MILR1: variants seen among roughly 807,000 people sequenced by gnomAD.
The protein encoded by MILR1 is allergin-1.
Under a neutral mutation model 18.5 loss-of-function variants are expected in MILR1, and 31 were observed. The ratio of observed to expected loss-of-function variants is 1.68; its 90% CI spans 1.26 to 2.26. The LOEUF is 2.26. MILR1 is among the 30% of genes most tolerant of loss of function. MILR1 has a pLI of 0.00. For synonymous variants in MILR1, 85 were observed against 56.2 expected (o/e 1.51, Z -2.30); for missense variants, 257 against 157.4 (o/e 1.63, Z -3.38).
At chr17:64,468,042 A>G in intron 9 of MILR1, 1 of 346,960 alleles carries the variant, frequency 2.9e-6, no homozygotes. Flanking sequence ...ATGTGCTGCC[A>G]GGGAGAGAGC....
the MILR1 span, chr17:64,481,128 C>T: frequency 3.4e-6 from 1 of 297,346 alleles, no homozygotes; most frequent in Non-Finnish European, 5.0e-6. Context: ...GAGAGGCCTG[C>T]AGCACCCTCC....
At chr17:64,466,684 G>T in intron 8 of MILR1, 22 bp downstream of exon 8, 1 of 1,586,310 alleles carries the variant, frequency 6.3e-7, no homozygotes, top group East Asian at 2.3e-5. Context: ...GTTGGGATAA[G>T]AGGTACTGGT....
the MILR1 span, among the ~76,000 whole-genome samples, chr17:64,483,262 C>T: frequency 6.6e-6 from 1 of 152,104 alleles, no homozygotes; most frequent in Non-Finnish European, 1.5e-5. Flanking sequence ...GCCTATAATT[C>T]CAGCACTTTG....
chr17:64,497,193 C>A, the MILR1 span, among the ~76,000 whole-genome samples: 1 of 152,254 alleles, frequency 6.6e-6, no homozygotes, highest in African/African-American at 2.4e-5. Flanking sequence ...GCTAGCTTGC[C>A]GTTCGCGTCG....
the MILR1 span, chr17:64,497,024 C>T: frequency 5.3e-6 from 8 of 1,514,590 alleles, no homozygotes; most frequent in African/African-American, 1.1e-4. Context: ...CCCAACAAGC[C>T]ACCACTACCG....
At chr17:64,479,757 G>A in the MILR1 span, among the ~76,000 whole-genome samples, 1 of 152,146 alleles carries the variant, frequency 6.6e-6, no homozygotes, top group Non-Finnish European at 1.5e-5. Context: ...GATACATTTA[G>A]GAAGCAAGCT....
the MILR1 span, chr17:64,496,327 T>G: frequency 1.1e-6 from 1 of 891,176 alleles, no homozygotes; most frequent in African/African-American, 1.7e-5. Context: ...ACAGGGCCAG[T>G]TGCAATCCCC....
At chr17:64,456,710 G>A (rs1230571315) in intron 3 of MILR1, among the ~76,000 whole-genome samples, 1 of 152,136 alleles carries the variant, frequency 6.6e-6, no homozygotes, top group African/African-American at 2.4e-5. Context: ...GCTGAGGCAG[G>A]AGGATCACTT....
downstream of MILR1, among the ~76,000 whole-genome samples, chr17:64,472,899 C>T (rs1555664880): frequency 6.6e-6 from 1 of 152,114 alleles, no homozygotes; most frequent in African/African-American, 2.4e-5. Context: ...AAGAGAAAGA[C>T]CAATAATCCA....
chr17:64,466,622 T>C lies in MILR1; in HGVS notation c.939T>C (p.Tyr313=). 6.2e-7 allele frequency: 1 copy of C among 1,611,112 alleles called. No homozygotes were observed. The highest frequency in any genetic ancestry group is 2.2e-5 in the East Asian group (1 of 44,782). ...DEAKHSQELQ[Y]ATPVFQEVAP... ...CCAAACACTCCCAGGAGCTACAGTA[T>C]GCCACCCCCGTGTTCCAGGAGGTGG... The change falls in exon 8 of 10, where the codon TAT becomes TAC. Residue 313 remains tyrosine, a synonymous_variant. Transcript: ENST00000619286.
At chr17:64,496,889 G>A in the MILR1 span, 5 of 1,613,132 alleles carry the variant, frequency 3.1e-6, no homozygotes, top group East Asian at 4.5e-5. Flanking sequence ...CGGCTGCCCC[G>A]CATCTACTCG....
At chr17:64,465,604 G>T in intron 6 of MILR1, 63 bp downstream of exon 6, 1 of 1,532,234 alleles carries the variant, frequency 6.5e-7, no homozygotes, top group Non-Finnish European at 8.9e-7. Context: ...TTTTGTTAAG[G>T]TTGTACAGAC....
At chr17:64,491,747 C>A in the MILR1 span, 9 of 740,972 alleles carry the variant, frequency 1.2e-5, no homozygotes, top group Admixed American at 3.7e-5. Flanking sequence ...ACTGCCTTTC[C>A]TACAAGGAGC....
downstream of MILR1, among the ~76,000 whole-genome samples, chr17:64,471,830 G>A (rs1476722289): frequency 1.3e-5 from 2 of 152,138 alleles, no homozygotes; most frequent in East Asian, 3.9e-4. Context: ...ACAATGGAAC[G>A]GAAAGTCCAG....
In MILR1 at chr17:64,468,477, T is replaced by G; in HGVS notation, c.*196T>G. ...CTAATTTTTGTATTTTTAGTAGAGA[T>G]GGGGTTTCACTATGGTGGCCAGGCT... On this transcript the variant is annotated 3_prime_UTR_variant, in exon 10 of 10. Coordinates refer to ENST00000619286, the MANE Select transcript of MILR1 (RefSeq NM_001085423.2). 2.6e-6 allele frequency: 1 copy of G among 391,368 alleles called. No individual in the cohort carries two copies. The highest frequency in any genetic ancestry group is 7.8e-5 in the East Asian group (1 of 12,800). 24.2% of individuals were successfully genotyped at this position (391,368 alleles called of 1,614,324 possible).
chr17:64,488,272 C>T, the MILR1 span, among the ~76,000 whole-genome samples: 8 of 152,116 alleles, frequency 5.3e-5, no homozygotes, highest in Admixed American at 4.6e-4. Context: ...GACAGAAATT[C>T]TACTTAATAT....
chr17:64,461,212 C>A (rs1018080569), intron 5 of MILR1, among the ~76,000 whole-genome samples: 19 of 151,938 alleles, frequency 1.3e-4, no homozygotes, highest in African/African-American at 4.6e-4. Flanking sequence ...GGGCCCTGTG[C>A]CAAGAAGAAC....
At chr17:64,450,844 C>A (rs1269535246) in intron 2 of MILR1, among the ~76,000 whole-genome samples, 1 of 152,290 alleles carries the variant, frequency 6.6e-6, no homozygotes, top group Non-Finnish European at 1.5e-5. Flanking sequence ...GTTTAACCAT[C>A]CTTATTTATT....
chr17:64,490,888 A>G, the MILR1 span: 1 of 1,613,838 alleles, frequency 6.2e-7, no homozygotes, highest in East Asian at 2.2e-5. Context: ...CCCCAGGGAA[A>G]ATTGTAGTAA....
Sources: gnomAD v4.1 joint callset for allele counts (sites outside exome capture counted in the v4.1 genomes callset) on GRCh38, gnomAD v4.1.1 for gene constraint, MANE v1.5 for transcripts, NCBI Gene and HGNC (gene_info 2026-07-23, HGNC 2026-07-21) for gene names.